PTPRM: variants seen among roughly 807,000 people sequenced by gnomAD.
The protein encoded by PTPRM is receptor-type tyrosine-protein phosphatase mu.
In PTPRM, 47 loss-of-function variants were observed where a neutral mutation model predicts 186.7. That is an observed-to-expected ratio of 0.25 (90% CI 0.20 to 0.32). PTPRM has a LOEUF of 0.32. PTPRM is among the 10% of genes least tolerant of loss of function. The pLI, the probability that PTPRM is intolerant of heterozygous loss-of-function variation, is 1.00. For missense variants in PTPRM, 1,494 were observed against 1,865.0 expected (o/e 0.80, Z 3.66); for synonymous variants, 668 against 674.9 (o/e 0.99, Z 0.16).
At chr18:7,789,652 A>G (rs80105080) in intron 2 of PTPRM, among the ~76,000 whole-genome samples, 2,480 of 152,278 alleles carry the variant, frequency 0.016, 165 homozygotes, top group Admixed American at 0.12. Flanking sequence ...CAAGACAGCC[A>G]GAAGTCGCTA....
intron 4 of PTPRM, among the ~76,000 whole-genome samples, chr18:7,908,947 T>C (rs988029933): frequency 6.6e-6 from 1 of 152,240 alleles, no homozygotes; most frequent in Non-Finnish European, 1.5e-5. Context: ...ATAAGAGCTG[T>C]AATTGCATGC....
At chr18:8,119,989 C>G (rs1165905390) in intron 13 of PTPRM, among the ~76,000 whole-genome samples, 1 of 152,058 alleles carries the variant, frequency 6.6e-6, no homozygotes, top group Non-Finnish European at 1.5e-5. Context: ...TATAATGCAT[C>G]TTTATTGATA....
intron 1 of PTPRM, among the ~76,000 whole-genome samples, chr18:7,743,919 C>A (rs2040933326): frequency 1.3e-5 from 2 of 151,994 alleles, no homozygotes; most frequent in South Asian, 4.1e-4. Context: ...TCATGAGTAT[C>A]CCGAAATAAC....
intron 7 of PTPRM, among the ~76,000 whole-genome samples, chr18:7,985,103 A>G (rs985484985): frequency 1.5e-5 from 2 of 130,426 alleles, no homozygotes; most frequent in Admixed American, 1.7e-4. Flanking sequence ...ATAATTATAT[A>G]TACATATAAT....
intron 1 of PTPRM, among the ~76,000 whole-genome samples, chr18:7,613,615 G>A (rs1309546150): frequency 6.6e-6 from 1 of 152,030 alleles, no homozygotes; most frequent in African/African-American, 2.4e-5. Flanking sequence ...GGAGGTTGCA[G>A]TGAGCCAAGA....
intron 11 of PTPRM, among the ~76,000 whole-genome samples, chr18:8,104,315 A>G (rs1321797371): frequency 3.9e-5 from 6 of 152,258 alleles, no homozygotes; most frequent in Admixed American, 3.3e-4. Flanking sequence ...CTTTGTTTCT[A>G]TATTATGATC....
intron 19 of PTPRM, among the ~76,000 whole-genome samples, chr18:8,282,806 A>G (rs2094917935): frequency 6.6e-6 from 1 of 152,206 alleles, no homozygotes; most frequent in African/African-American, 2.4e-5. Context: ...TTTATTTGTG[A>G]TCACCAAAAA....
At chr18:8,033,163 G>A (rs2086098604) in intron 7 of PTPRM, among the ~76,000 whole-genome samples, 1 of 152,040 alleles carries the variant, frequency 6.6e-6, no homozygotes, top group East Asian at 1.9e-4. Flanking sequence ...GTCTATTATA[G>A]GGTCTTAAAA....
At chr18:7,650,448 C>A (rs1346054289) in intron 1 of PTPRM, among the ~76,000 whole-genome samples, 4 of 139,154 alleles carry the variant, frequency 2.9e-5, no homozygotes, top group Non-Finnish European at 4.7e-5. Flanking sequence ...TTCAAATCCC[C>A]CCCCCCCCCA....
At chr18:8,248,992 G>T (rs2094502814) in intron 17 of PTPRM, among the ~76,000 whole-genome samples, 1 of 152,202 alleles carries the variant, frequency 6.6e-6, no homozygotes, top group African/African-American at 2.4e-5. Context: ...AAACAAGCAT[G>T]AGCTGCTGTT....
intron 11 of PTPRM, among the ~76,000 whole-genome samples, chr18:8,110,623 C>T (rs1405150304): frequency 2.0e-5 from 3 of 152,064 alleles, no homozygotes; most frequent in Non-Finnish European, 2.9e-5. Flanking sequence ...GACACCAGCC[C>T]GGTGCTAAAG....
At chr18:8,031,093 A>G (rs1242502142) in intron 7 of PTPRM, among the ~76,000 whole-genome samples, 2 of 152,202 alleles carry the variant, frequency 1.3e-5, no homozygotes, top group East Asian at 3.8e-4. Flanking sequence ...TTAAGCAATT[A>G]CTTAATATTT....
chr18:7,663,533 A>C (rs1259357591), intron 1 of PTPRM, among the ~76,000 whole-genome samples: 1 of 152,196 alleles, frequency 6.6e-6, no homozygotes, highest in Admixed American at 6.5e-5. Context: ...ACTTAAAGGA[A>C]TATAGCAGCC....
chr18:8,399,563 G>A (rs1000109801), intron 32 of PTPRM: 1 of 152,190 alleles, frequency 6.6e-6, no homozygotes, highest in African/African-American at 2.4e-5. Context: ...AAGGCTACGG[G>A]GCTTTTCTGT....
intron 7 of PTPRM, among the ~76,000 whole-genome samples, chr18:8,020,517 A>G (rs959662934): frequency 2.0e-5 from 3 of 152,210 alleles, no homozygotes; most frequent in African/African-American, 4.8e-5. Context: ...AGCAAGATGA[A>G]AATACCTTTC....
intron 22 of PTPRM, among the ~76,000 whole-genome samples, chr18:8,329,561 C>G (rs1168570488): frequency 6.6e-6 from 1 of 152,168 alleles, no homozygotes; most frequent in African/African-American, 2.4e-5. Context: ...CTGGCTTCCC[C>G]GTGCCTCTGG....
chr18:8,049,164 A>C (rs1256785263), intron 7 of PTPRM, among the ~76,000 whole-genome samples: 1 of 152,210 alleles, frequency 6.6e-6, no homozygotes, highest in Non-Finnish European at 1.5e-5. Context: ...TGTAAAGTTC[A>C]TCTATAGGAT....
Position 8,069,927 on chromosome 18 carries a change from A to G in PTPRM, c.1374A>G (p.Lys458=), listed in dbSNP as rs1408177047. The G allele has an allele frequency of 1.2e-6, 2 of 1,614,018 alleles. No homozygotes were observed. Among genetic ancestry groups the G allele is most frequent in the Non-Finnish European group, 1.7e-6 (2 of 1,180,006 alleles). ...CACCATACACCAATGTCAGTGTGAA[A>G]CTGATCCTCATGAACCCAGAGGGCC... ...NLSPYTNVSV[K]LILMNPEGRK... is the part of the protein sequence containing the mutation. The change falls in exon 8 of 33, where the codon AAA becomes AAG. Residue 458 remains lysine (K), a synonymous_variant. Transcript: ENST00000580170.
intron 23 of PTPRM, chr18:8,365,622 C>T (rs2095624096): frequency 6.6e-6 from 1 of 152,264 alleles, no homozygotes; most frequent in Admixed American, 6.5e-5. Context: ...ATGCCAATCT[C>T]TCTCTCCCTC....
Sources: allele counts gnomAD v4.1 joint callset (sites outside exome capture counted in the v4.1 genomes callset), GRCh38; gene constraint gnomAD v4.1.1; transcripts MANE v1.5; gene names NCBI Gene and HGNC (gene_info 2026-07-23, HGNC 2026-07-21).